MGAT5B: variants seen among roughly 807,000 people sequenced by gnomAD.
The protein encoded by MGAT5B is alpha-1,6-mannosylglycoprotein 6-beta-N-acetylglucosaminyltransferase B.
A neutral mutation model predicts 95.1 loss-of-function variants in MGAT5B; 54 were observed. The ratio of observed to expected loss-of-function variants is 0.57; its 90% CI spans 0.46 to 0.71. MGAT5B has a LOEUF of 0.71. Ranked by LOEUF, MGAT5B falls within the 30% of genes least tolerant of loss-of-function variation. The pLI is 0.00. For synonymous variants in MGAT5B, 464 were observed against 451.0 expected, an observed-to-expected ratio of 1.03 and a Z score of -0.36; for missense variants, 935 against 1,088.6, an observed-to-expected ratio of 0.86 and a Z score of 1.99.
chr17:76,911,185 G>T (rs868378768), intron 8 of MGAT5B, among the ~76,000 whole-genome samples: 1 of 152,326 alleles, frequency 6.6e-6, no homozygotes, highest in African/African-American at 2.4e-5. Flanking sequence ...AGCTCCCAGT[G>T]ATTCTAATGG....
At chr17:76,927,981 TG>T (rs1245813232) in intron 10 of MGAT5B, among the ~76,000 whole-genome samples, 18 of 152,242 alleles carry the variant, frequency 1.2e-4, no homozygotes, top group African/African-American at 4.3e-4. Flanking sequence ...GCATCTCTTG[TG>T]GGTGCTTGGA....
Position 76,940,890 on chromosome 17 carries a change from C to A in MGAT5B, c.1848+42C>A. 1 of 1,481,534 alleles carries A rather than the reference C, an allele frequency of 6.7e-7. No homozygotes were observed. The highest frequency in any genetic ancestry group is 9.4e-7 in the Non-Finnish European group (1 of 1,060,790). The allele number at this position is 1,481,534 out of a possible 1,614,324, so 91.8% of individuals were successfully genotyped here. On this transcript the variant is annotated intron_variant, in intron 15 of 17. Transcript: ENST00000569840. This position sits in a 1 kb window ranked among gnomAD's most constrained non-coding sequence, Gnocchi z 4.3. Reference sequence around the variant, plus strand: ...ACAGTTGAGACCCCCCACTAGTCCACACTGCTGGTCTTCACTCTGATTAGA... The same window carrying A: ...ACAGTTGAGACCCCCCACTAGTCCAAACTGCTGGTCTTCACTCTGATTAGA...
At chr17:76,882,056 T>C in intron 2 of MGAT5B, 95 bp from the exon 3 acceptor site, 1 of 1,395,172 alleles carries the variant, frequency 7.2e-7, no homozygotes. Context: ...TGGGGGACTT[T>C]GGGGCCAGCT....
rs1372216566 is a variant in MGAT5B, at chr17:76,912,665, G to A, written c.1025+6478G>A. Among the ~76,000 whole-genome samples, 1 of 152,142 alleles carries A rather than the reference G, an allele frequency of 6.6e-6. No individual in the cohort carries two copies. Among genetic ancestry groups the A allele is most frequent in the Admixed American group, 6.5e-5 (1 of 15,284 alleles). On this transcript the variant is annotated intron_variant, in intron 8 of 17. Coordinates refer to ENST00000569840, the MANE Select transcript of MGAT5B (RefSeq NM_001199172.2). This position sits in a 1 kb window ranked among gnomAD's most constrained non-coding sequence, Gnocchi z 5.0. ...CAATTAACTGGCTCACTGGAGTGAC[G>A]TTTGGGGCAATGTGCAGGATCTACA...
intron 15 of MGAT5B, among the ~76,000 whole-genome samples, chr17:76,945,126 G>C (rs1346626010): frequency 6.6e-6 from 1 of 152,002 alleles, no homozygotes; most frequent in Non-Finnish European, 1.5e-5. Context: ...GGCCTGAGAA[G>C]GTTAATGGAA....
rs1455327691 is a variant in MGAT5B, at chr17:76,917,829, G to C, written c.1026-7137G>C. On this transcript the variant is annotated intron_variant, in intron 8 of 17. Coordinates refer to ENST00000569840, the MANE Select transcript of MGAT5B (RefSeq NM_001199172.2). This position sits in a 1 kb window ranked among gnomAD's most constrained non-coding sequence, Gnocchi z 6.1. ...AGGCCCCAGCCCGGAGCAAATAGAGGGACCCTCGGGGTGGCCTGAGCACCA... is the reference window on the plus strand; with the variant it reads ...AGGCCCCAGCCCGGAGCAAATAGAGCGACCCTCGGGGTGGCCTGAGCACCA... 6.6e-6 allele frequency among the ~76,000 whole-genome samples: 1 copy of C among 152,186 alleles called. No homozygotes were observed. Among genetic ancestry groups the C allele is most frequent in the African/African-American group, 2.4e-5 (1 of 41,460 alleles).
At chr17:76,895,462 A>G (rs1399988626) in intron 3 of MGAT5B, among the ~76,000 whole-genome samples, 7 of 152,162 alleles carry the variant, frequency 4.6e-5, no homozygotes, top group Non-Finnish European at 8.8e-5. Flanking sequence ...AAGGTTGGGA[A>G]CCACTGGATT....
intron 10 of MGAT5B, 152 bp downstream of exon 10, chr17:76,926,882 T>C: frequency 1.0e-6 from 1 of 962,304 alleles, no homozygotes; most frequent in Non-Finnish European, 1.5e-6. Flanking sequence ...CTTCTCCTGC[T>C]CCATAAGTGT....
chr17:76,929,145 C>A (rs1969407007), intron 10 of MGAT5B, among the ~76,000 whole-genome samples: 1 of 152,094 alleles, frequency 6.6e-6, no homozygotes, highest in Non-Finnish European at 1.5e-5. Context: ...GGATTCCAGG[C>A]GTGAGCCACT....
chr17:76,868,653 G>T lies in MGAT5B; in HGVS notation c.-377G>T, dbSNP rs1282477700. The T allele has an allele frequency of 6.7e-6, 1 of 148,352 alleles. No individual in the cohort carries two copies. 9.2% of individuals were successfully genotyped at this position (148,352 alleles called of 1,614,324 possible). A position where few individuals can be genotyped will look rare whatever the true frequency, so the allele number is the denominator to read the frequency against. On this transcript the variant is annotated 5_prime_UTR_variant, in exon 1 of 18. Transcript: ENST00000569840. The surrounding 1 kb of genome is among the most constrained non-coding windows in gnomAD (Gnocchi z 6.3). ...TAGCCGGCACCGAGGGCGCGGGGCC[G>T]GGGATGAGGGCGCCCGCCGCGGGGA...
At chr17:76,892,959 C>T (rs1433566267) in intron 3 of MGAT5B, among the ~76,000 whole-genome samples, 3 of 152,154 alleles carry the variant, frequency 2.0e-5, no homozygotes, top group Admixed American at 6.5e-5. Context: ...ACACTCTTAT[C>T]AGGGGACACT....
In MGAT5B at chr17:76,948,769, G is replaced by A. The variant is rs1484018066; in HGVS notation, c.2310G>A (p.Lys770=). 6.2e-7 allele frequency: 1 copy of A among 1,610,122 alleles called. No homozygotes were observed. The highest frequency in any genetic ancestry group is 1.7e-5 in the Admixed American group (1 of 59,618). ...LLFSCAGSNT[K]YRRLCPCRDF... is the part of the protein sequence containing the mutation. The stretch of plus-strand genomic sequence containing the variant: ...TCAGCTGCGCCGGCTCCAACACCAA[G>A]TACCGCCGGCTCTGCCCCTGCCGCG... Residue 770 remains lysine, a synonymous_variant, in exon 18 of 18, where the codon AAG becomes AAA. Transcript: ENST00000569840.
intron 2 of MGAT5B, among the ~76,000 whole-genome samples, chr17:76,874,097 C>T (rs1450898371): frequency 6.6e-6 from 1 of 152,164 alleles, no homozygotes; most frequent in Non-Finnish European, 1.5e-5. Context: ...GCTTATTAGT[C>T]ATTCAAGCCT....
intron 16 of MGAT5B, among the ~76,000 whole-genome samples, chr17:76,947,351 C>T (rs1029094325): frequency 5.3e-5 from 8 of 152,154 alleles, no homozygotes; most frequent in African/African-American, 9.7e-5. Context: ...GGGTCAGGGC[C>T]GTGGCCAGAA....
rs559561897 is a variant in MGAT5B, at chr17:76,898,423, G to A, written c.330-4132G>A. Among the ~76,000 whole-genome samples the A allele has an allele frequency of 7.5e-4, 113 of 151,098 alleles. 1 individual carries two copies. In the Middle Eastern group the frequency reaches 0.014, roughly 18 times the overall value. On this transcript the variant is annotated intron_variant, in intron 3 of 17. Transcript: ENST00000569840. ...GGCTCACTGCAACCTCTGCCTCCCG[G>A]GTTCAAGCGATTCTCCTGCCTCAGC...
chr17:76,887,421 G>A (rs1326028722), intron 3 of MGAT5B, among the ~76,000 whole-genome samples: 1 of 146,726 alleles, frequency 6.8e-6, no homozygotes, highest in Non-Finnish European at 1.5e-5. Flanking sequence ...GCAGCCGCTA[G>A]GGTCTTTCTT....
At position 76,918,737 on chromosome 17, in the gene MGAT5B, C is replaced by T. The variant is rs1426996642; in HGVS notation, c.1026-6229C>T. Among the ~76,000 whole-genome samples the T allele has an allele frequency of 6.6e-6, 1 of 152,214 alleles. No homozygotes were observed. Among genetic ancestry groups the T allele is most frequent in the South Asian group, 2.1e-4 (1 of 4,834 alleles). On this transcript the variant is annotated intron_variant, in intron 8 of 17. Coordinates refer to ENST00000569840, the MANE Select transcript of MGAT5B (RefSeq NM_001199172.2). This position sits in a 1 kb window ranked among gnomAD's most constrained non-coding sequence, Gnocchi z 5.1. ...GTCAGGTTTGGAGGATTTCAGGGCC[C>T]TGGGGAGACAGAACGTCCCAGGCTG...
rs546853207 is a variant in MGAT5B, at chr17:76,938,380, G to A, written c.1584+237G>A. ...GCAGGGCCAGCAGAGCAGCAGAGCC[G>A]TGGCTCAGTGATGGGGAAGTAGAGT... On this transcript the variant is annotated intron_variant, in intron 13 of 17. Coordinates refer to ENST00000569840, the MANE Select transcript of MGAT5B (RefSeq NM_001199172.2). The surrounding 1 kb of genome is among the most constrained non-coding windows in gnomAD (Gnocchi z 4.3). Among the ~76,000 whole-genome samples the A allele has an allele frequency of 1.6e-4, 24 of 152,360 alleles. No homozygotes were observed. The highest frequency in any genetic ancestry group is 2.6e-4 in the Admixed American group (4 of 15,310).
Position 76,947,956 on chromosome 17 carries a change from C to A in MGAT5B, c.2050C>A (p.Pro684Thr). 1 of 1,612,156 alleles carries A rather than the reference C, an allele frequency of 6.2e-7. No homozygotes were observed. The highest frequency in any genetic ancestry group is 8.5e-7 in the Non-Finnish European group (1 of 1,179,096). Residue 684 changes from proline (P) to threonine (T), a missense_variant, in exon 17 of 18, where the codon CCC (proline) becomes ACC (threonine). Physicochemically the swap from Pro to Thr is conservative, Grantham distance 38. This residue lies in a region of MGAT5B where 440 missense variants were observed against 523.6 expected (regional missense o/e 0.84). Transcript: ENST00000569840. ...CACCAGCTTGGCTCCTGGGGCCTGG[C>A]CCCCCGCGCACGCCCTGCGGGCCTG... ...RNTSLAPGAWPPAHALRAWLA... is the reference protein window; with the variant it reads ...RNTSLAPGAWTPAHALRAWLA...
Sources: gnomAD v4.1 joint callset for allele counts (sites outside exome capture counted in the v4.1 genomes callset) on GRCh38, gnomAD v4.1.1 for gene constraint, gnomAD v4.1.1 regional missense constraint, Gnocchi (gnomAD v3.1) non-coding constraint, MANE v1.5 for transcripts, NCBI Gene and HGNC (gene_info 2026-07-23, HGNC 2026-07-21) for gene names.